Variants in UTRN observed in about 807,000 individuals in gnomAD.
UTRN encodes dystrophin-related protein 1.
UTRN carries 283 observed loss-of-function variants against 463.9 expected under a neutral mutation model. The observed-to-expected ratio is 0.61, with a 90% confidence interval of 0.55 to 0.67. The LOEUF (loss-of-function observed/expected upper bound fraction) is 0.67. Ranked by LOEUF, UTRN falls within the 30% of genes least tolerant of loss-of-function variation. UTRN has a pLI of 0.00. For missense variants in UTRN, 3,922 were observed against 4,084.3 expected (o/e 0.96, Z 1.08); for synonymous variants, 1,442 against 1,431.5 (o/e 1.01, Z -0.17).
intron 51 of UTRN, among the ~76,000 whole-genome samples, chr6:144,581,993 C>G (rs1802010767): frequency 6.6e-6 from 1 of 152,110 alleles, no homozygotes; most frequent in South Asian, 2.1e-4. Context: ...TTAGCCTCAC[C>G]AGAGGGAGGC....
At chr6:144,427,719 T>C (rs1785417129) in intron 7 of UTRN, among the ~76,000 whole-genome samples, 1 of 152,204 alleles carries the variant, frequency 6.6e-6, no homozygotes. Flanking sequence ...TAAGGGATTT[T>C]ATCAAGAAAC....
At chr6:144,832,199 A>G (rs1426445255) in intron 69 of UTRN, among the ~76,000 whole-genome samples, 8 of 152,248 alleles carry the variant, frequency 5.3e-5, no homozygotes, top group East Asian at 1.9e-4. Flanking sequence ...ACTATATGTA[A>G]TTAAGAACTA....
intron 52 of UTRN, among the ~76,000 whole-genome samples, chr6:144,696,239 C>G (rs149218151): frequency 6.6e-6 from 1 of 151,634 alleles, no homozygotes; most frequent in African/African-American, 2.4e-5. Context: ...AGGAACTGCT[C>G]TCTTTTTTTT....
chr6:144,786,265 C>A (rs558317290), intron 61 of UTRN, among the ~76,000 whole-genome samples: 229 of 152,162 alleles, frequency 1.5e-3, no homozygotes, highest in Non-Finnish European at 2.6e-3. Flanking sequence ...GTCTCTGACC[C>A]ACCTGAATGC....
Position 144,534,288 on chromosome 6 carries a change from A to C in UTRN, c.6233+1028A>C, listed in dbSNP as rs1471270329. On this transcript the variant is annotated intron_variant, in intron 43 of 74. Transcript: ENST00000367545. ...TTGCCTTGTTTAGGAGTCATGACTC[A>C]CCTCTTAGGGGACTGTTAAGCCTTG... Among the ~76,000 whole-genome samples the C allele has an allele frequency of 2.6e-5, 4 of 152,192 alleles. No individual in the cohort carries two copies. The East Asian group carries it at 7.7e-4, about 29-fold the overall frequency.
At chr6:144,683,103 A>C (rs2128686671) in intron 52 of UTRN, among the ~76,000 whole-genome samples, 1 of 152,284 alleles carries the variant, frequency 6.6e-6, no homozygotes. Flanking sequence ...TGCCATGTTA[A>C]TTACTGATAG....
At chr6:144,582,296 T>G (rs777066525) in intron 51 of UTRN, among the ~76,000 whole-genome samples, 1 of 152,174 alleles carries the variant, frequency 6.6e-6, no homozygotes, top group Non-Finnish European at 1.5e-5. Flanking sequence ...CGGTTACCAG[T>G]TTGAGCAGGA....
At chr6:144,353,410 G>A (rs1165709978) in intron 2 of UTRN, among the ~76,000 whole-genome samples, 1 of 147,042 alleles carries the variant, frequency 6.8e-6, no homozygotes, top group Non-Finnish European at 1.5e-5. Flanking sequence ...CAACGTGCCC[G>A]GCCCTTCTGA....
At chr6:144,663,023 G>A (rs1035608112) in intron 51 of UTRN, among the ~76,000 whole-genome samples, 2 of 152,120 alleles carry the variant, frequency 1.3e-5, no homozygotes, top group African/African-American at 2.4e-5. Flanking sequence ...GGCAGGATGG[G>A]CAATTTCTTA....
At chr6:144,458,252 T>C (rs1789068682) in intron 19 of UTRN, among the ~76,000 whole-genome samples, 1 of 152,238 alleles carries the variant, frequency 6.6e-6, no homozygotes, top group South Asian at 2.1e-4. Context: ...TTAATATTCC[T>C]GCACTCACCA....
At chr6:144,366,674 T>C (rs991870018) in intron 2 of UTRN, among the ~76,000 whole-genome samples, 8 of 152,228 alleles carry the variant, frequency 5.3e-5, no homozygotes, top group African/African-American at 1.9e-4. Context: ...GTTGACTCCA[T>C]GTCTTTACTG....
At chr6:144,489,948 G>T in intron 30 of UTRN, 123 bp from the exon 31 acceptor site, 1 of 1,383,238 alleles carries the variant, frequency 7.2e-7, no homozygotes, top group Non-Finnish European at 9.7e-7. Context: ...CTTCTGTGGA[G>T]GTCAACATTA....
At chr6:144,791,568 T>TAA (rs79194006) in intron 62 of UTRN, among the ~76,000 whole-genome samples, 1 of 141,480 alleles carries the variant, frequency 7.1e-6, no homozygotes, top group Non-Finnish European at 1.6e-5. Flanking sequence ...AGCGAGACCT[T>TAA]AAAAAAAAAA....
chr6:144,573,469 C>T (rs7767347), intron 50 of UTRN, among the ~76,000 whole-genome samples: 14 of 151,706 alleles, frequency 9.2e-5, no homozygotes, highest in East Asian at 5.8e-4. Flanking sequence ...CGAGGCGGGC[C>T]GATCACCTGA....
At position 144,448,639 on chromosome 6, in the gene UTRN, C is replaced by T. The variant is rs372021381; in HGVS notation, c.1942C>T (p.Pro648Ser). The T allele has an allele frequency of 6.2e-7, 1 of 1,613,934 alleles. No individual in the cohort carries two copies. Among genetic ancestry groups the T allele is most frequent in the Non-Finnish European group, 8.5e-7 (1 of 1,179,920 alleles). Residue 648 changes from proline (P) to serine (S), a missense_variant, in exon 17 of 75, where the codon CCT becomes TCT. Transcript: ENST00000367545. The part of the protein sequence containing the change: ...AVAKLGMSQI[P>S]QKDLLETVRV... ...AGCAAAGCTGGGGATGTCTCAGATT[C>T]CTCAGAAGGACCTTTTGGAGACTGT...
At chr6:144,846,536 C>A (rs992133030) in intron 73 of UTRN, among the ~76,000 whole-genome samples, 1 of 152,042 alleles carries the variant, frequency 6.6e-6, no homozygotes, top group Non-Finnish European at 1.5e-5. Flanking sequence ...TTTTGCAAGA[C>A]TAAGTGCTCA....
At chr6:144,705,126 C>T (rs897877006) in intron 53 of UTRN, among the ~76,000 whole-genome samples, 1 of 152,026 alleles carries the variant, frequency 6.6e-6, no homozygotes, top group African/African-American at 2.4e-5. Flanking sequence ...TTGTGTGTGG[C>T]CATGGGTTTT....
chr6:144,458,625 TTTG>T (rs1342898115), intron 19 of UTRN, 142 bp from the exon 20 acceptor site: 14 of 835,198 alleles, frequency 1.7e-5, no homozygotes, highest in Admixed American at 3.4e-5. Context: ...ATTATAAATT[TTTG>T]TTGTTGTATT....
rs1040846650 is a variant in UTRN, at chr6:144,557,352, T to G, written c.7289+41T>G. 2.5e-6 allele frequency: 4 copies of G among 1,573,940 alleles called. No individual in the cohort carries two copies. In the Admixed American group the frequency reaches 5.5e-5, roughly 21 times the overall value. ...TGGCAGGTAAATGTATATTGTCAAG[T>G]TGAGAATTTGATGGCTTTGGCTTTC... On this transcript the variant is annotated intron_variant, in intron 50 of 74. Coordinates refer to ENST00000367545, the MANE Select transcript of UTRN (RefSeq NM_007124.3).
Sources: gnomAD v4.1 joint callset for allele counts (sites outside exome capture counted in the v4.1 genomes callset) on GRCh38, gnomAD v4.1.1 for gene constraint, MANE v1.5 for transcripts, NCBI Gene and HGNC (gene_info 2026-07-23, HGNC 2026-07-21) for gene names.